Variants in BNC2 observed in about 807,000 individuals in gnomAD.
BNC2 encodes basonuclin zinc finger protein 2.
Under a neutral mutation model 76.3 loss-of-function variants are expected in BNC2, and 20 were observed. That is an observed-to-expected ratio of 0.26 (90% CI 0.18 to 0.38). The LOEUF is 0.38. Among genes scored for constraint, BNC2 ranks in the 10% least tolerant of loss-of-function variants. The probability of loss-of-function intolerance (pLI) is 1.00; values close to 1 mark genes in which losing one functional copy is unlikely to be tolerated. For missense variants in BNC2, 1,382 were observed against 1,399.8 expected (o/e 0.99, Z 0.20); for synonymous variants, 582 against 514.8 (o/e 1.13, Z -1.77).
At chr9:16,791,931 C>A (rs1817521926) in intron 1 of BNC2, among the ~76,000 whole-genome samples, 2 of 151,996 alleles carry the variant, frequency 1.3e-5, no homozygotes, top group African/African-American at 4.8e-5. Context: ...GGCAAAACTC[C>A]ATCTCTATCA....
chr9:16,838,664 T>C (rs1452652553), intron 1 of BNC2, among the ~76,000 whole-genome samples: 1 of 152,236 alleles, frequency 6.6e-6, no homozygotes, highest in African/African-American at 2.4e-5. Context: ...ACATATGAAC[T>C]GCATAATGGT....
intron 3 of BNC2, among the ~76,000 whole-genome samples, chr9:16,595,563 C>G (rs1820042658): frequency 6.6e-6 from 1 of 152,032 alleles, no homozygotes; most frequent in Non-Finnish European, 1.5e-5. Flanking sequence ...AACACAAATA[C>G]AATGTTACCA....
At chr9:16,601,087 A>G (rs1820232023) in intron 3 of BNC2, among the ~76,000 whole-genome samples, 1 of 152,244 alleles carries the variant, frequency 6.6e-6, no homozygotes, top group Non-Finnish European at 1.5e-5. Context: ...GTTCCACAGC[A>G]CAATCTCATC....
rs554034587 is a variant in BNC2, at chr9:16,558,204, GC to G, written c.434-5440del. On this transcript the variant is annotated intron_variant, in intron 4 of 6. Transcript: ENST00000380672. ...TTAGCCAGGCCTAGAAAACCAGTCTGCTCCCAGCACCCTGAGCATAACAACT... is the reference window on the plus strand; with the variant it reads ...TTAGCCAGGCCTAGAAAACCAGTCTGTCCCAGCACCCTGAGCATAACAACT... Among the ~76,000 whole-genome samples the G allele has an allele frequency of 7.7e-3, 1,175 of 152,262 alleles. 15 individuals are homozygous for G. The highest frequency in any genetic ancestry group is 0.027 in the African/African-American group (1,113 of 41,530).
chr9:16,705,279 C>G (rs1218743056), intron 3 of BNC2, among the ~76,000 whole-genome samples: 2 of 152,160 alleles, frequency 1.3e-5, no homozygotes, highest in Non-Finnish European at 1.5e-5. Flanking sequence ...CTAGTCACAA[C>G]AGACTACATC....
chr9:16,523,445 T>C (rs1341223791), intron 5 of BNC2, among the ~76,000 whole-genome samples: 1 of 145,002 alleles, frequency 6.9e-6, no homozygotes, highest in Non-Finnish European at 1.5e-5. Flanking sequence ...CACTCCAGCC[T>C]GGACGAAATA....
At chr9:16,610,709 A>C (rs1002773947) in intron 3 of BNC2, among the ~76,000 whole-genome samples, 1 of 152,192 alleles carries the variant, frequency 6.6e-6, no homozygotes, top group African/African-American at 2.4e-5. Context: ...AAGAAACGCA[A>C]CACTCAGAAG....
intron 2 of BNC2, among the ~76,000 whole-genome samples, chr9:16,729,466 G>T (rs952984444): frequency 6.6e-6 from 1 of 152,188 alleles, no homozygotes; most frequent in Non-Finnish European, 1.5e-5. Context: ...AATGAGAAAA[G>T]ATGAGAAAAC....
At chr9:16,657,688 G>A (rs118066471) in intron 3 of BNC2, among the ~76,000 whole-genome samples, 5,947 of 152,074 alleles carry the variant, frequency 0.039, 166 homozygotes, top group Middle Eastern at 0.12. Context: ...ATAAACTCTA[G>A]GAGAACTGTT....
chr9:16,816,656 T>TG (rs1818189842), intron 1 of BNC2, among the ~76,000 whole-genome samples: 2 of 152,192 alleles, frequency 1.3e-5, no homozygotes, highest in South Asian at 4.1e-4. Flanking sequence ...TCACGGCACT[T>TG]GTTAAAAAAT....
chr9:16,653,347 T>C (rs954628579), intron 3 of BNC2, among the ~76,000 whole-genome samples: 6 of 152,130 alleles, frequency 3.9e-5, no homozygotes, highest in African/African-American at 7.2e-5. Context: ...AAATCTCCCC[T>C]TCGATATGTA....
At chr9:16,542,745 C>T (rs1818363216) in intron 5 of BNC2, among the ~76,000 whole-genome samples, 1 of 152,142 alleles carries the variant, frequency 6.6e-6, no homozygotes, top group Non-Finnish European at 1.5e-5. Context: ...TTTACACTTC[C>T]GTCAGCATTA....
intron 1 of BNC2, among the ~76,000 whole-genome samples, chr9:16,757,227 A>G (rs1825412008): frequency 1.3e-5 from 2 of 152,208 alleles, no homozygotes; most frequent in Admixed American, 6.5e-5. Context: ...CTTAAAAGCT[A>G]TTTAAAAGCA....
chr9:16,481,130 T>C (rs1822045220), intron 5 of BNC2, among the ~76,000 whole-genome samples: 1 of 152,122 alleles, frequency 6.6e-6, no homozygotes, highest in Admixed American at 6.5e-5. Flanking sequence ...AGAACCTTTG[T>C]GTCCATACTC....
At chr9:16,722,659 C>T (rs1268420394) in intron 3 of BNC2, among the ~76,000 whole-genome samples, 1 of 152,144 alleles carries the variant, frequency 6.6e-6, no homozygotes, top group Non-Finnish European at 1.5e-5. Flanking sequence ...TGTTCAAATT[C>T]ATTTAAATGA....
rs191551176 is a variant in BNC2, at chr9:16,770,760, G to T, written c.4-32275C>A. Among the ~76,000 whole-genome samples the T allele has an allele frequency of 2.6e-5, 4 of 152,096 alleles. No homozygotes were observed. In the East Asian group the frequency reaches 7.7e-4, roughly 29 times the overall value. On this transcript the variant is annotated intron_variant, in intron 1 of 6. Coordinates refer to ENST00000380672, the MANE Select transcript of BNC2 (RefSeq NM_017637.6). ...CACGCCTGTAGAGCCAGCTACTCAG[G>T]GGCTGAGGTGGGAGAATCGCTTGAA... is the stretch of plus-strand genomic sequence containing the variant.
At chr9:16,861,099 T>TG (rs1233044287) in intron 1 of BNC2, among the ~76,000 whole-genome samples, 1 of 150,626 alleles carries the variant, frequency 6.6e-6, no homozygotes, top group Non-Finnish European at 1.5e-5. Flanking sequence ...CCCAGAATTT[T>TG]GGGGGGTCAA....
At chr9:16,629,025 C>T (rs761288129) in intron 3 of BNC2, among the ~76,000 whole-genome samples, 8 of 152,100 alleles carry the variant, frequency 5.3e-5, no homozygotes, top group Non-Finnish European at 1.2e-4. Flanking sequence ...AAATACCTAC[C>T]GTTGTCATTC....
chr9:16,434,816 T>G (rs1300342160), intron 6 of BNC2: 1 of 456,176 alleles, frequency 2.2e-6, no homozygotes, highest in African/African-American at 2.0e-5. Flanking sequence ...AGTATATGCA[T>G]GCCTCCCCTT....
Sources: allele counts gnomAD v4.1 joint callset (sites outside exome capture counted in the v4.1 genomes callset), GRCh38; gene constraint gnomAD v4.1.1; transcripts MANE v1.5; gene names NCBI Gene and HGNC (gene_info 2026-07-23, HGNC 2026-07-21).